KAZN: variants seen among roughly 807,000 people sequenced by gnomAD.
The protein encoded by KAZN is kazrin, periplakin interacting protein, also known as kazrin.
Under a neutral mutation model 87.4 loss-of-function variants are expected in KAZN, and 40 were observed. The observed-to-expected ratio is 0.46, with a 90% confidence interval of 0.36 to 0.60. The LOEUF (loss-of-function observed/expected upper bound fraction) is 0.60. KAZN is among the 20% of genes least tolerant of loss of function. The pLI, the probability that KAZN is intolerant of heterozygous loss-of-function variation, is 0.00. For missense variants in KAZN, 898 were observed against 1,073.9 expected, an observed-to-expected ratio of 0.84 and a Z score of 2.29; for synonymous variants, 466 against 458.3, an observed-to-expected ratio of 1.02 and a Z score of -0.22.
chr1:14,011,569 G>T (rs1640314550), intron 1 of KAZN, among the ~76,000 whole-genome samples: 1 of 152,120 alleles, frequency 6.6e-6, no homozygotes, highest in South Asian at 2.1e-4. Flanking sequence ...GCAGCCTCTT[G>T]GTTGGAATGC....
At position 14,275,444 on chromosome 1, in the gene KAZN, CTGTGTGTGTG is replaced by C. The variant is rs60684981; in HGVS notation, c.249+94890_249+94899del. Among the ~76,000 whole-genome samples the C allele has an allele frequency of 3.2e-3, 432 of 136,960 alleles. 3 individuals carry two copies. The highest frequency in any genetic ancestry group is 0.031 in the East Asian group (138 of 4,510). 89.9% of individuals were successfully genotyped at this position (136,960 alleles called of 152,430 possible). ...GAAAACTGCAGCCTTGTGGTAAATACTGTGTGTGTGTGTGTGTGTGTGTGTGTGTGTGTGT... is the reference window on the plus strand; with the variant it reads ...GAAAACTGCAGCCTTGTGGTAAATACTGTGTGTGTGTGTGTGTGTGTGTGT... On this transcript the variant is annotated intron_variant, in intron 2 of 16. Coordinates refer to the KAZN transcript ENST00000636203.
chr1:14,804,463 C>T (rs1381233805), intron 1 of KAZN, among the ~76,000 whole-genome samples: 2 of 152,116 alleles, frequency 1.3e-5, no homozygotes, highest in Admixed American at 1.3e-4. Flanking sequence ...TGGGCTAACT[C>T]GGGCCCAGTG....
intron 2 of KAZN, among the ~76,000 whole-genome samples, chr1:14,962,081 G>C (rs958524450): frequency 4.6e-5 from 7 of 152,254 alleles, no homozygotes; most frequent in Admixed American, 4.6e-4. Flanking sequence ...GGGTAAAAGA[G>C]AGAATGGATT....
chr1:14,354,645 G>GACACACACACACACACACACAC (rs71570202), intron 2 of KAZN, among the ~76,000 whole-genome samples: 2 of 141,376 alleles, frequency 1.4e-5, no homozygotes, highest in African/African-American at 2.6e-5. Flanking sequence ...AGCTAAATTA[G>GACACACACACACACACACACAC]ACACACACAC....
At chr1:13,956,541 C>G (rs1641557840) in intron 1 of KAZN, among the ~76,000 whole-genome samples, 1 of 152,064 alleles carries the variant, frequency 6.6e-6, no homozygotes, top group Non-Finnish European at 1.5e-5. Context: ...TTCTGACATG[C>G]ATACGATTAT....
intron 1 of KAZN, among the ~76,000 whole-genome samples, chr1:14,919,832 C>A (rs1658302535): frequency 6.6e-6 from 1 of 152,092 alleles, no homozygotes; most frequent in South Asian, 2.1e-4. Context: ...CATCGTGTTA[C>A]AATTATCTAC....
chr1:15,046,492 G>T (rs548540231), intron 4 of KAZN, among the ~76,000 whole-genome samples: 1 of 152,120 alleles, frequency 6.6e-6, no homozygotes, highest in Non-Finnish European at 1.5e-5. Flanking sequence ...TCAGACCCAC[G>T]CACCCATGCC....
Position 15,094,176 on chromosome 1 carries a change from G to T in KAZN, c.1223-4G>T, listed in dbSNP as rs770480452. The T allele has an allele frequency of 6.2e-7, 1 of 1,612,202 alleles. No homozygotes were observed. Among genetic ancestry groups the T allele is most frequent in the Non-Finnish European group, 8.5e-7 (1 of 1,179,592 alleles). On this transcript the variant is annotated splice_polypyrimidine_tract_variant and splice_region_variant and intron_variant, in intron 8 of 14. Transcript: ENST00000376030. This position sits in a 1 kb window ranked among gnomAD's most constrained non-coding sequence, Gnocchi z 4.5. ...CCAGCATGGCCTGCACTTGTGTGTT[G>T]CAGACTCGGACAGCCAGTGCAGCCC...
chr1:14,113,547 TC>T (rs1486946879), intron 1 of KAZN, among the ~76,000 whole-genome samples: 13 of 152,186 alleles, frequency 8.5e-5, no homozygotes, highest in African/African-American at 3.1e-4. Flanking sequence ...TCCAAAAACT[TC>T]CATGTTTGAG....
chr1:14,150,620 A>G (rs1441111998), intron 1 of KAZN, among the ~76,000 whole-genome samples: 2 of 152,202 alleles, frequency 1.3e-5, no homozygotes, highest in Non-Finnish European at 2.9e-5. Context: ...TAGGCCTGGG[A>G]AAAGATGGTA....
intron 1 of KAZN, among the ~76,000 whole-genome samples, chr1:13,989,649 G>C (rs1639189702): frequency 1.3e-5 from 2 of 152,156 alleles, no homozygotes; most frequent in Admixed American, 1.3e-4. Flanking sequence ...GGATAAATCA[G>C]TGAATGGGAA....
chr1:14,925,727 C>T (rs1659094829), intron 1 of KAZN, among the ~76,000 whole-genome samples: 2 of 152,168 alleles, frequency 1.3e-5, no homozygotes, highest in African/African-American at 4.8e-5. Context: ...AAAAAGCCAA[C>T]CACAAGGCCC....
chr1:14,291,355 C>T (rs1653677282), intron 2 of KAZN, among the ~76,000 whole-genome samples: 2 of 152,218 alleles, frequency 1.3e-5, no homozygotes, highest in Non-Finnish European at 1.5e-5. Context: ...TCGAGCTTCC[C>T]TGGCCGCTTT....
At chr1:14,247,893 T>C (rs1451507746) in intron 2 of KAZN, among the ~76,000 whole-genome samples, 3 of 152,140 alleles carry the variant, frequency 2.0e-5, no homozygotes, top group Non-Finnish European at 4.4e-5. Flanking sequence ...CTCATGTGTG[T>C]GGGAAGCCAG....
intron 1 of KAZN, among the ~76,000 whole-genome samples, chr1:14,067,847 T>C (rs79710498): frequency 0.016 from 2,466 of 152,328 alleles, 66 homozygotes; most frequent in African/African-American, 0.056. Flanking sequence ...TCTGTGCCAG[T>C]TCCTCATTCA....
At chr1:13,972,724 T>C (rs532746454) in intron 1 of KAZN, among the ~76,000 whole-genome samples, 1 of 152,338 alleles carries the variant, frequency 6.6e-6, no homozygotes, top group South Asian at 2.1e-4. Context: ...TGGCTGTATT[T>C]AAAGAGAACT....
intron 1 of KAZN, among the ~76,000 whole-genome samples, chr1:13,963,807 G>A (rs1641846726): frequency 6.7e-6 from 1 of 149,850 alleles, no homozygotes; most frequent in Admixed American, 6.7e-5. Context: ...GTGTGTGTAG[G>A]GGTAGTGGAT....
At chr1:14,136,276 T>A (rs1645107864) in intron 1 of KAZN, among the ~76,000 whole-genome samples, 1 of 152,066 alleles carries the variant, frequency 6.6e-6, no homozygotes, top group Non-Finnish European at 1.5e-5. Flanking sequence ...TCTGGCTCAC[T>A]CCATCTCCCT....
chr1:15,039,092 C>A (rs1052351911), intron 3 of KAZN, among the ~76,000 whole-genome samples: 1 of 151,442 alleles, frequency 6.6e-6, no homozygotes, highest in Non-Finnish European at 1.5e-5. Flanking sequence ...TTATTGTGCA[C>A]CTACTGTATA....
Sources: gnomAD v4.1 joint callset for allele counts (sites outside exome capture counted in the v4.1 genomes callset) on GRCh38, gnomAD v4.1.1 for gene constraint, Gnocchi (gnomAD v3.1) non-coding constraint, MANE v1.5 for transcripts, NCBI Gene and HGNC (gene_info 2026-07-23, HGNC 2026-07-21) for gene names.